Variants in ZGRF1 observed in about 807,000 individuals in gnomAD.
The protein encoded by ZGRF1 is zinc finger GRF-type containing 1, also known as 5'-3' DNA helicase ZGRF1.
Under a neutral mutation model 203.5 loss-of-function variants are expected in ZGRF1, and 196 were observed. The ratio of observed to expected loss-of-function variants is 0.96; its 90% CI spans 0.86 to 1.08. The LOEUF (loss-of-function observed/expected upper bound fraction) is 1.08, where lower values mean the gene tolerates loss of function less well. Among genes scored for constraint, ZGRF1 ranks in the 50% least tolerant of loss-of-function variants. The pLI, the probability that ZGRF1 is intolerant of heterozygous loss-of-function variation, is 0.00. For synonymous variants in ZGRF1, 809 were observed against 841.3 expected, an observed-to-expected ratio of 0.96 and a Z score of 0.66; for missense variants, 2,326 against 2,416.3, an observed-to-expected ratio of 0.96 and a Z score of 0.78.
intron 16 of ZGRF1, among the ~76,000 whole-genome samples, chr4:112,577,834 G>A (rs1745512200): frequency 8.2e-6 from 1 of 121,826 alleles, no homozygotes; most frequent in Non-Finnish European, 1.8e-5. Context: ...AATAATGGGA[G>A]ACTTTAACAC....
chr4:112,606,575 T>C (rs966139573), intron 8 of ZGRF1, among the ~76,000 whole-genome samples: 2 of 151,826 alleles, frequency 1.3e-5, no homozygotes, highest in Non-Finnish European at 2.9e-5. Context: ...GCAGAATTGC[T>C]TGAACCCTGG....
intron 18 of ZGRF1, chr4:112,561,686 C>G (rs560217828): frequency 2.6e-5 from 4 of 152,152 alleles, no homozygotes; most frequent in African/African-American, 9.6e-5. Flanking sequence ...TGAGATATGG[C>G]TATATCGAGA....
At chr4:112,594,711 C>T (rs902098399) in intron 10 of ZGRF1, among the ~76,000 whole-genome samples, 4 of 151,978 alleles carry the variant, frequency 2.6e-5, no homozygotes, top group South Asian at 2.1e-4. Context: ...CCTCAGCCCC[C>T]CAAAGTGCTG....
chr4:112,548,720 C>T (rs1177950965), intron 22 of ZGRF1, among the ~76,000 whole-genome samples: 4 of 151,390 alleles, frequency 2.6e-5, no homozygotes, highest in Admixed American at 6.6e-5. Flanking sequence ...AGACAACATA[C>T]ATTATATCAA....
chr4:112,605,967 T>G, intron 9 of ZGRF1, 41 bp downstream of exon 9: 1 of 1,242,128 alleles, frequency 8.1e-7, no homozygotes. Context: ...GAAAAGAAAA[T>G]GTAGTTGGTT....
intron 10 of ZGRF1, among the ~76,000 whole-genome samples, chr4:112,599,806 G>C (rs181931262): frequency 2.5e-3 from 378 of 152,202 alleles, no homozygotes; most frequent in Admixed American, 3.7e-3. Flanking sequence ...ACTAATAAGA[G>C]ACCCTTAATA....
At chr4:112,559,751 G>C (rs1302577733) in intron 19 of ZGRF1, among the ~76,000 whole-genome samples, 1 of 152,130 alleles carries the variant, frequency 6.6e-6, no homozygotes, top group Admixed American at 6.5e-5. Flanking sequence ...AAGATTAAGA[G>C]ATATATAACC....
chr4:112,627,321 C>A (rs2047270114), intron 3 of ZGRF1, among the ~76,000 whole-genome samples: 1 of 152,134 alleles, frequency 6.6e-6, no homozygotes, highest in Admixed American at 6.5e-5. Flanking sequence ...ATTGCAAATG[C>A]CTGCTTGGTC....
At position 112,612,540 on chromosome 4, in the gene ZGRF1, TGC is replaced by T; in HGVS notation, c.2649_2650del (p.His884GlnfsTer11). The T allele has an allele frequency of 6.2e-7, 1 of 1,606,404 alleles. No homozygotes were observed. Among genetic ancestry groups the T allele is most frequent in the Non-Finnish European group, 8.5e-7 (1 of 1,174,732 alleles). ...AACCTGTACCTGTTGAGAATCCTTGTGCAGATGAGGAGACTTTGGTGAAACTA... is the reference window on the plus strand; with the variant it reads ...AACCTGTACCTGTTGAGAATCCTTGTAGATGAGGAGACTTTGGTGAAACTA... On this transcript the variant is annotated frameshift_variant, in exon 7 of 28. Transcript: ENST00000505019. LOFTEE classifies it high-confidence loss of function.
chr4:112,545,677 A>C lies in ZGRF1; in HGVS notation c.5598+1608T>G, dbSNP rs75060753. Among the ~76,000 whole-genome samples the C allele has an allele frequency of 7.2e-3, 1,095 of 152,336 alleles. 33 individuals are homozygous for C. In the East Asian group the frequency reaches 0.094, roughly 13 times the overall value. ...GGATTTGAACAAGTATCTGTATATC[A>C]ATGTTCACAGGAGATTTTTCACAAG... On this transcript the variant is annotated intron_variant, in intron 24 of 27. Coordinates refer to ENST00000505019, the MANE Select transcript of ZGRF1 (RefSeq NM_018392.5).
chr4:112,569,776 G>A (rs1262039404), intron 16 of ZGRF1, among the ~76,000 whole-genome samples: 6 of 151,928 alleles, frequency 3.9e-5, no homozygotes, highest in Non-Finnish European at 7.4e-5. Context: ...TACAAGTCAC[G>A]TCTTTAAAAT....
At chr4:112,610,498 G>C (rs1012547499) in intron 7 of ZGRF1, among the ~76,000 whole-genome samples, 1 of 151,820 alleles carries the variant, frequency 6.6e-6, no homozygotes, top group African/African-American at 2.4e-5. Context: ...TTGAACCCAG[G>C]AGGCAGAGGC....
chr4:112,581,604 T>C (rs912992423), intron 16 of ZGRF1, 59 bp downstream of exon 16: 6 of 1,212,946 alleles, frequency 4.9e-6, no homozygotes, highest in African/African-American at 1.6e-5. Context: ...TTTATACAGC[T>C]GTATGTAATG....
chr4:112,589,145 T>C (rs1254424045), intron 11 of ZGRF1, among the ~76,000 whole-genome samples: 1 of 152,136 alleles, frequency 6.6e-6, no homozygotes, highest in Non-Finnish European at 1.5e-5. Flanking sequence ...GGAAGATATA[T>C]TGATGAGATT....
In ZGRF1 at chr4:112,626,126, T is replaced by C. The variant is rs530036487; in HGVS notation, c.103-2250A>G. Among the ~76,000 whole-genome samples the C allele has an allele frequency of 7.2e-5, 11 of 152,304 alleles. No homozygotes were observed. In the South Asian group the frequency reaches 2.1e-3, roughly 29 times the overall value. ...CTGGGTACTGAGTAGTAATTGCCAA[T>C]GAGTATGAGATTTCTTTTGGTGGTG... On this transcript the variant is annotated intron_variant, in intron 3 of 27. Transcript: ENST00000505019.
intron 1 of ZGRF1, among the ~76,000 whole-genome samples, chr4:112,635,262 T>G (rs2047556880): frequency 6.6e-6 from 1 of 151,998 alleles, no homozygotes; most frequent in Non-Finnish European, 1.5e-5. Flanking sequence ...GGGCTAGATA[T>G]GCTGTATACA....
chr4:112,636,360 T>C lies in ZGRF1; in HGVS notation c.-67+491A>G, dbSNP rs193174976. On this transcript the variant is annotated intron_variant, in intron 1 of 27. Coordinates refer to ENST00000505019, the MANE Select transcript of ZGRF1 (RefSeq NM_018392.5). ...AAAACTCGGTGTTCTCAGTAAAGTATGAGCCATTATTCATTTAAATACTAG... is the reference window on the plus strand; with the variant it reads ...AAAACTCGGTGTTCTCAGTAAAGTACGAGCCATTATTCATTTAAATACTAG... Among the ~76,000 whole-genome samples the C allele has an allele frequency of 5.8e-3, 885 of 152,314 alleles. 7 individuals carry two copies. Among genetic ancestry groups the C allele is most frequent in the African/African-American group, 0.02 (829 of 41,572 alleles).
intron 10 of ZGRF1, among the ~76,000 whole-genome samples, chr4:112,599,909 A>G (rs1248013308): frequency 1.3e-5 from 2 of 152,252 alleles, no homozygotes; most frequent in Admixed American, 6.5e-5. Flanking sequence ...TGGAGAAAAC[A>G]TGTAACTTTA....
chr4:112,540,344 G>A (rs975461002), intron 26 of ZGRF1, among the ~76,000 whole-genome samples: 1 of 152,082 alleles, frequency 6.6e-6, no homozygotes, highest in South Asian at 2.1e-4. Flanking sequence ...CTATTGCTGG[G>A]TAACTCATTT....
Sources: gnomAD v4.1 joint callset for allele counts (sites outside exome capture counted in the v4.1 genomes callset) on GRCh38, gnomAD v4.1.1 for gene constraint, MANE v1.5 for transcripts, NCBI Gene and HGNC (gene_info 2026-07-23, HGNC 2026-07-21) for gene names.